The following STK32B variants were observed in gnomAD, a reference collection of about 807,000 sequenced individuals.
STK32B encodes the protein serine/threonine-protein kinase 32B.
A neutral mutation model predicts 52.6 loss-of-function variants in STK32B; 43 were observed. The observed-to-expected ratio is 0.82, with a 90% CI of 0.64 to 1.05. The LOEUF (loss-of-function observed/expected upper bound fraction) is 1.05, where lower values mean the gene tolerates loss of function less well. Among genes scored for constraint, STK32B ranks in the 50% least tolerant of loss-of-function variants. The probability of loss-of-function intolerance (pLI) is 0.00; values close to 1 mark genes in which losing one functional copy is unlikely to be tolerated. For synonymous variants in STK32B, 238 were observed against 204.3 expected, an observed-to-expected ratio of 1.17 and a Z score of -1.41; for missense variants, 621 against 534.6, an observed-to-expected ratio of 1.16 and a Z score of -1.59.
intron 6 of STK32B, among the ~76,000 whole-genome samples, chr4:5,419,825 A>T (rs1712474505): frequency 6.6e-6 from 1 of 152,214 alleles, no homozygotes; most frequent in African/African-American, 2.4e-5. Flanking sequence ...CTATACCATC[A>T]TATCCCTAGA....
intron 3 of STK32B, among the ~76,000 whole-genome samples, chr4:5,177,741 A>G (rs750982134): frequency 5.3e-5 from 8 of 152,244 alleles, no homozygotes; most frequent in Non-Finnish European, 1.0e-4. Context: ...CAGGGGGGCT[A>G]CATGCCCCAC....
intron 4 of STK32B, among the ~76,000 whole-genome samples, chr4:5,332,674 G>C (rs915084268): frequency 7.9e-5 from 12 of 152,066 alleles, no homozygotes; most frequent in African/African-American, 2.9e-4. Flanking sequence ...AGTCCCCAGA[G>C]TGTGATGTTC....
chr4:5,156,766 A>T (rs567861748), intron 2 of STK32B, among the ~76,000 whole-genome samples: 1 of 152,344 alleles, frequency 6.6e-6, no homozygotes, highest in East Asian at 1.9e-4. Flanking sequence ...AAAATGGCAG[A>T]AAATGGCACA....
intron 3 of STK32B, among the ~76,000 whole-genome samples, chr4:5,188,554 ATC>A (rs1398282443): frequency 2.0e-5 from 3 of 151,996 alleles, no homozygotes; most frequent in South Asian, 2.1e-4. Flanking sequence ...CTTCCTTCAG[ATC>A]TCTGTCTACT....
At chr4:5,113,613 G>A (rs992484348) in intron 1 of STK32B, among the ~76,000 whole-genome samples, 4 of 152,062 alleles carry the variant, frequency 2.6e-5, no homozygotes, top group Non-Finnish European at 4.4e-5. Context: ...TTTCTTTAAC[G>A]TACACACACA....
intron 3 of STK32B, among the ~76,000 whole-genome samples, chr4:5,299,414 C>T (rs562152646): frequency 6.9e-6 from 1 of 144,828 alleles, no homozygotes; most frequent in African/African-American, 2.8e-5. Flanking sequence ...TGAGGTCTTA[C>T]ATTTTTTTAA....
At chr4:5,302,683 G>A (rs1376982515) in intron 3 of STK32B, among the ~76,000 whole-genome samples, 1 of 151,976 alleles carries the variant, frequency 6.6e-6, no homozygotes, top group East Asian at 1.9e-4. Context: ...AGTGATTTCC[G>A]AGATTCTGGT....
At chr4:5,439,831 G>A (rs1316700866) in intron 6 of STK32B, among the ~76,000 whole-genome samples, 2 of 151,446 alleles carry the variant, frequency 1.3e-5, no homozygotes, top group African/African-American at 2.4e-5. Context: ...TGGCTAGCCA[G>A]TTTTCCCAGC....
intron 11 of STK32B, among the ~76,000 whole-genome samples, chr4:5,481,058 T>C (rs1465036346): frequency 2.6e-5 from 4 of 152,204 alleles, no homozygotes; most frequent in Non-Finnish European, 4.4e-5. Context: ...TGCATGTGTC[T>C]TTAAAGCAGC....
intron 3 of STK32B, among the ~76,000 whole-genome samples, chr4:5,313,571 A>G (rs1344718937): frequency 2.0e-5 from 3 of 151,732 alleles, no homozygotes; most frequent in African/African-American, 7.3e-5. Context: ...AACTGTCTCT[A>G]TTTTCAGATG....
intron 5 of STK32B, among the ~76,000 whole-genome samples, chr4:5,408,091 A>G (rs954144467): frequency 1.3e-5 from 2 of 152,140 alleles, no homozygotes; most frequent in Non-Finnish European, 2.9e-5. Context: ...ACTGTGAGAA[A>G]CACATGTCTG....
At chr4:5,063,584 C>A (rs1459521029) in intron 1 of STK32B, among the ~76,000 whole-genome samples, 1 of 152,144 alleles carries the variant, frequency 6.6e-6, no homozygotes, top group Non-Finnish European at 1.5e-5. Flanking sequence ...CTCAAGTGAT[C>A]CACCAGCCTT....
chr4:5,456,710 A>T, intron 7 of STK32B, 97 bp from the exon 8 acceptor site: 1 of 1,116,408 alleles, frequency 9.0e-7, no homozygotes, highest in Non-Finnish European at 1.3e-6. Context: ...TTGAAGAGGA[A>T]GAATAAACCA....
intron 11 of STK32B, among the ~76,000 whole-genome samples, chr4:5,487,958 C>G (rs1048900165): frequency 2.6e-5 from 4 of 152,126 alleles, no homozygotes; most frequent in African/African-American, 9.7e-5. Context: ...AAGCAAGTCT[C>G]ATTTTAGTAA....
intron 5 of STK32B, among the ~76,000 whole-genome samples, chr4:5,406,449 C>T (rs1283090015): frequency 1.3e-5 from 2 of 152,156 alleles, no homozygotes; most frequent in Non-Finnish European, 2.9e-5. Context: ...TGTGGGGGCT[C>T]CAACCCCACA....
chr4:5,332,525 T>C (rs1239043604), intron 4 of STK32B, among the ~76,000 whole-genome samples: 1 of 152,166 alleles, frequency 6.6e-6, no homozygotes, highest in Non-Finnish European at 1.5e-5. Flanking sequence ...CTTTAAGTTT[T>C]AGGGTACATT....
Position 5,118,937 on chromosome 4 carries a change from C to T in STK32B, c.53-20968C>T, listed in dbSNP as rs573407108. Among the ~76,000 whole-genome samples, 10 of 152,324 alleles carry T rather than the reference C, an allele frequency of 6.6e-5. No homozygotes were observed. In the East Asian group the frequency reaches 1.9e-3, roughly 29 times the overall value. ...CTCAGCACCATAGACGAGTGCTTCT[C>T]AGCCCTTCTTTCCTTATCACCCCCA... On this transcript the variant is annotated intron_variant, in intron 1 of 11. Transcript: ENST00000282908.
chr4:5,268,643 C>T (rs1727214623), intron 3 of STK32B, among the ~76,000 whole-genome samples: 1 of 151,470 alleles, frequency 6.6e-6, no homozygotes, highest in Non-Finnish European at 1.5e-5. Context: ...TGCTGGTTGG[C>T]TGCCACTAGA....
intron 4 of STK32B, among the ~76,000 whole-genome samples, chr4:5,367,488 G>A (rs959857626): frequency 6.6e-6 from 1 of 152,116 alleles, no homozygotes; most frequent in African/African-American, 2.4e-5. Context: ...AGGCTGGGGG[G>A]TCGCTGAGTA....
Sources: gnomAD v4.1 joint callset for allele counts (sites outside exome capture counted in the v4.1 genomes callset) on GRCh38, gnomAD v4.1.1 for gene constraint, MANE v1.5 for transcripts, NCBI Gene and HGNC (gene_info 2026-07-23, HGNC 2026-07-21) for gene names.